LRP1B: variants seen among roughly 807,000 people sequenced by gnomAD.
LRP1B encodes low-density lipoprotein receptor-related protein 1B.
In LRP1B, 217 loss-of-function variants were observed where a neutral mutation model predicts 556.6. That is an observed-to-expected ratio of 0.39 (90% CI 0.35 to 0.44). The LOEUF is 0.44. Ranked by LOEUF, LRP1B falls within the 20% of genes least tolerant of loss-of-function variation. The pLI is 1.00. For synonymous variants in LRP1B, 2,047 were observed against 1,865.8 expected (o/e 1.10, Z -2.50); for missense variants, 5,053 against 5,620.8 (o/e 0.90, Z 3.23).
intron 2 of LRP1B, among the ~76,000 whole-genome samples, chr2:141,487,027 A>G (rs966244174): frequency 6.6e-6 from 1 of 152,110 alleles, no homozygotes; most frequent in Non-Finnish European, 1.5e-5. Context: ...CAGGCCTCTT[A>G]TATTCTATTC....
chr2:140,969,571 G>A (rs768375011), intron 18 of LRP1B, among the ~76,000 whole-genome samples: 6 of 152,118 alleles, frequency 3.9e-5, no homozygotes, highest in Non-Finnish European at 7.3e-5. Context: ...TCATTATAAC[G>A]TTAGCTGGTT....
rs188888089 is a variant in LRP1B at position 141,508,964 on chromosome 2, A to T, written c.206-28431T>A. Among the ~76,000 whole-genome samples the T allele has an allele frequency of 3.3e-3, 506 of 152,298 alleles. 6 individuals are homozygous for T. Among genetic ancestry groups the T allele is most frequent in the Admixed American group, 0.021 (326 of 15,292 alleles). ...ACTTCCCCCTGAGATTCCAATTTGC[A>T]GTCAGTGAGACACAGAGCATATTTA... On this transcript the variant is annotated intron_variant, in intron 2 of 90. Transcript: ENST00000389484.
At chr2:140,525,247 T>A (rs555283288) in intron 49 of LRP1B, among the ~76,000 whole-genome samples, 8 of 152,006 alleles carry the variant, frequency 5.3e-5, no homozygotes, top group East Asian at 3.9e-4. Context: ...AATTTTTTTT[T>A]AATTTCATGT....
intron 41 of LRP1B, among the ~76,000 whole-genome samples, chr2:140,630,241 T>C (rs1020544897): frequency 6.6e-6 from 1 of 152,142 alleles, no homozygotes; most frequent in Admixed American, 6.6e-5. Flanking sequence ...TTCTGGTGCA[T>C]GATAAATGTT....
chr2:141,449,440 AC>A (rs1559076294), intron 3 of LRP1B, among the ~76,000 whole-genome samples: 2 of 152,018 alleles, frequency 1.3e-5, no homozygotes, highest in Non-Finnish European at 2.9e-5. Context: ...CCCCCACCAA[AC>A]CTTACATTTT....
At chr2:141,774,182 C>G (rs982929958) in intron 2 of LRP1B, among the ~76,000 whole-genome samples, 3 of 152,160 alleles carry the variant, frequency 2.0e-5, no homozygotes, top group Admixed American at 1.3e-4. Flanking sequence ...AAAAAGATAG[C>G]TGGATGTTTC....
In LRP1B at chr2:142,037,346, G is replaced by A. The variant is rs953266911; in HGVS notation, c.82+93302C>T. Among the ~76,000 whole-genome samples the A allele has an allele frequency of 1.2e-4, 18 of 151,440 alleles. No homozygotes were observed. The South Asian group carries it at 1.2e-3, about 10-fold the overall frequency. On this transcript the variant is annotated intron_variant, in intron 1 of 90. Transcript: ENST00000389484. ...GACAGAACACCATGCACATTCTGCCGTTTTTAAGTCTGGTTTAGAACTTTA... is the reference window on the plus strand; with the variant it reads ...GACAGAACACCATGCACATTCTGCCATTTTTAAGTCTGGTTTAGAACTTTA...
chr2:141,090,423 C>A (rs1700146380), intron 7 of LRP1B, among the ~76,000 whole-genome samples: 2 of 152,122 alleles, frequency 1.3e-5, no homozygotes, highest in Admixed American at 1.3e-4. Context: ...ATAAAACCTA[C>A]AGGCAATGAA....
intron 35 of LRP1B, among the ~76,000 whole-genome samples, chr2:140,747,505 T>C (rs1370068062): frequency 6.6e-6 from 1 of 152,152 alleles, no homozygotes. Context: ...TAGCACACCA[T>C]AGTCACAGTG....
At chr2:140,257,654 A>T (rs1350338101) in intron 86 of LRP1B, among the ~76,000 whole-genome samples, 2 of 152,182 alleles carry the variant, frequency 1.3e-5, no homozygotes, top group African/African-American at 2.4e-5. Context: ...ATAGACATTG[A>T]TGTGACAGTT....
chr2:141,742,302 A>G (rs1345239281), intron 2 of LRP1B, among the ~76,000 whole-genome samples: 1 of 137,056 alleles, frequency 7.3e-6, no homozygotes, highest in South Asian at 2.3e-4. Flanking sequence ...CCTAGGCTGG[A>G]GTGTAGTGGT....
At chr2:141,289,126 T>C (rs1277612069) in intron 3 of LRP1B, among the ~76,000 whole-genome samples, 1 of 152,074 alleles carries the variant, frequency 6.6e-6, no homozygotes, top group African/African-American at 2.4e-5. Flanking sequence ...GCTTAACTCC[T>C]GTAATCCCAG....
At chr2:141,074,534 T>G (rs1008484988) in intron 7 of LRP1B, among the ~76,000 whole-genome samples, 1 of 150,286 alleles carries the variant, frequency 6.7e-6, no homozygotes, top group Non-Finnish European at 1.5e-5. Context: ...GCCATATGTC[T>G]GCACATACTA....
intron 5 of LRP1B, among the ~76,000 whole-genome samples, chr2:141,242,497 A>T (rs919991570): frequency 1.3e-5 from 2 of 152,036 alleles, no homozygotes; most frequent in African/African-American, 2.4e-5. Context: ...AGGGACTACA[A>T]TTCCTGTTCT....
At chr2:141,141,847 T>C (rs1176605836) in intron 7 of LRP1B, among the ~76,000 whole-genome samples, 2 of 152,254 alleles carry the variant, frequency 1.3e-5, no homozygotes, top group Admixed American at 6.5e-5. Context: ...TGTGAAAAAA[T>C]AGTTTATATA....
intron 66 of LRP1B, among the ~76,000 whole-genome samples, chr2:140,393,433 C>CT (rs530739346): frequency 6.1e-5 from 9 of 147,004 alleles, no homozygotes; most frequent in South Asian, 2.2e-4. Flanking sequence ...TGTTTCGTTC[C>CT]TTTTTTTTTT....
intron 3 of LRP1B, among the ~76,000 whole-genome samples, chr2:141,269,025 G>A (rs1195644320): frequency 6.6e-6 from 1 of 152,172 alleles, no homozygotes; most frequent in Non-Finnish European, 1.5e-5. Context: ...TAAGAAGAGT[G>A]AAGCACTGTC....
chr2:140,606,419 ATAT>A (rs1180708266), intron 41 of LRP1B, among the ~76,000 whole-genome samples: 4 of 152,048 alleles, frequency 2.6e-5, no homozygotes, highest in African/African-American at 9.7e-5. Flanking sequence ...GGAAGGCCTA[ATAT>A]TATGAAGATG....
At chr2:140,680,956 A>C (rs775625645) in intron 41 of LRP1B, among the ~76,000 whole-genome samples, 1 of 152,226 alleles carries the variant, frequency 6.6e-6, no homozygotes, top group Non-Finnish European at 1.5e-5. Context: ...GTGGGACTTA[A>C]AAGGCAGTGC....
Sources: gnomAD v4.1 joint callset for allele counts (sites outside exome capture counted in the v4.1 genomes callset) on GRCh38, gnomAD v4.1.1 for gene constraint, MANE v1.5 for transcripts, NCBI Gene and HGNC (gene_info 2026-07-23, HGNC 2026-07-21) for gene names.